HSD17B4: variants seen among roughly 807,000 people sequenced by gnomAD.
HSD17B4 encodes hydroxysteroid 17-beta dehydrogenase 4.
In HSD17B4, 70 loss-of-function variants were observed where a neutral mutation model predicts 101.0. The observed-to-expected ratio is 0.69, with a 90% CI of 0.57 to 0.85. HSD17B4 has a LOEUF of 0.85. Among genes scored for constraint, HSD17B4 ranks in the 40% least tolerant of loss-of-function variants. HSD17B4 has a pLI of 0.00. For missense variants in HSD17B4, 984 were observed against 892.4 expected (o/e 1.10, Z -1.31); for synonymous variants, 347 against 297.1 (o/e 1.17, Z -1.73).
chr5:119,513,880 A>T (rs1238618020), intron 16 of HSD17B4, among the ~76,000 whole-genome samples: 1 of 152,212 alleles, frequency 6.6e-6, no homozygotes, highest in Non-Finnish European at 1.5e-5. Flanking sequence ...TACATGGCAT[A>T]CAATGGATTT....
chr5:119,496,567 T>C lies in HSD17B4; in HGVS notation c.893T>C (p.Val298Ala), dbSNP rs752217768. 1 of 1,590,110 alleles carries C rather than the reference T, an allele frequency of 6.3e-7. No individual in the cohort carries two copies. The highest frequency in any genetic ancestry group is 8.6e-7 in the Non-Finnish European group (1 of 1,158,220). Reference sequence around the variant, plus strand: ...GAATCAACTGGCAGTATAATTGAAGTTCTGAGTAAAATAGATTCAGAAGGA... The same window carrying C: ...GAATCAACTGGCAGTATAATTGAAGCTCTGAGTAAAATAGATTCAGAAGGA... ...IQESTGSIIE[V>A]LSKIDSEGGV... Residue 298 changes from valine to alanine, a missense_variant, in exon 12 of 24, where the codon GTT becomes GCT. Coordinates refer to ENST00000510025, the MANE Select transcript of HSD17B4 (RefSeq NM_000414.4).
At chr5:119,534,152 C>T (rs1192339078) in intron 22 of HSD17B4, among the ~76,000 whole-genome samples, 1 of 151,988 alleles carries the variant, frequency 6.6e-6, no homozygotes, top group South Asian at 2.1e-4. Flanking sequence ...TTGTTTTCCT[C>T]CTGAATTTAA....
At chr5:119,509,795 A>G (rs934608636) in intron 16 of HSD17B4, among the ~76,000 whole-genome samples, 2 of 152,182 alleles carry the variant, frequency 1.3e-5, no homozygotes, top group Admixed American at 6.5e-5. Context: ...CCTCCATGGA[A>G]TGTGCTGATT....
chr5:119,468,834 A>G (rs1322866700), intron 2 of HSD17B4, among the ~76,000 whole-genome samples: 1 of 142,200 alleles, frequency 7.0e-6, no homozygotes, highest in Non-Finnish European at 1.5e-5. Flanking sequence ...TGACTGGGTT[A>G]TTTCAAAAGT....
At chr5:119,519,792 A>T (rs1387985090) in intron 17 of HSD17B4, among the ~76,000 whole-genome samples, 1 of 152,242 alleles carries the variant, frequency 6.6e-6, no homozygotes, top group African/African-American at 2.4e-5. Context: ...GAGTCCCAGC[A>T]TTTAATTTAG....
chr5:119,519,744 C>T (rs563526179), intron 17 of HSD17B4, among the ~76,000 whole-genome samples: 1 of 152,274 alleles, frequency 6.6e-6, no homozygotes, highest in African/African-American at 2.4e-5. Flanking sequence ...CATGTAAAGT[C>T]ATTAAGAAAG....
At chr5:119,494,376 T>TCTTTCTTTCTTTCTTC (rs1554064703) in intron 11 of HSD17B4, among the ~76,000 whole-genome samples, 120 of 150,744 alleles carry the variant, frequency 8.0e-4, no homozygotes, top group African/African-American at 2.8e-3. Context: ...TTTCTTTCTT[T>TCTTTCTTTCTTTCTTC]CTTTCTTTCT....
At chr5:119,505,881 A>C (rs1383033320) in intron 14 of HSD17B4, among the ~76,000 whole-genome samples, 1 of 152,186 alleles carries the variant, frequency 6.6e-6, no homozygotes, top group Non-Finnish European at 1.5e-5. Context: ...AAAGACACCA[A>C]GAGGAGTCCT....
chr5:119,514,741 C>G (rs897480761), intron 16 of HSD17B4, among the ~76,000 whole-genome samples: 5 of 152,054 alleles, frequency 3.3e-5, no homozygotes, highest in Admixed American at 3.3e-4. Flanking sequence ...GAGGATTTAT[C>G]TGATTACATA....
intron 17 of HSD17B4, among the ~76,000 whole-genome samples, chr5:119,520,408 C>A (rs1017567086): frequency 3.1e-4 from 47 of 152,164 alleles, no homozygotes; most frequent in African/African-American, 1.0e-3. Context: ...CTCAGTGAGA[C>A]CCCCATTTAG....
chr5:119,510,489 G>A (rs569396148), intron 16 of HSD17B4, among the ~76,000 whole-genome samples: 1 of 152,094 alleles, frequency 6.6e-6, no homozygotes, highest in Non-Finnish European at 1.5e-5. Flanking sequence ...ATATTCTTCT[G>A]TAGTAAATAA....
At chr5:119,526,121 A>G in intron 19 of HSD17B4, 98 bp downstream of exon 19, 2 of 766,654 alleles carry the variant, frequency 2.6e-6, no homozygotes, top group East Asian at 2.5e-5. Flanking sequence ...TAGATATTGT[A>G]CTACAGCAAT....
chr5:119,508,076 G>C (rs184164319), intron 15 of HSD17B4, among the ~76,000 whole-genome samples: 29 of 151,966 alleles, frequency 1.9e-4, no homozygotes, highest in African/African-American at 6.5e-4. Flanking sequence ...TAAATATTAT[G>C]TATGTTCTTT....
chr5:119,496,625 G>A lies in HSD17B4; in HGVS notation c.951G>A (p.Thr317=), dbSNP rs779198396. The A allele has an allele frequency of 3.0e-5, 48 of 1,597,032 alleles. No individual in the cohort carries two copies. Among genetic ancestry groups the A allele is most frequent in the Middle Eastern group, 1.7e-4 (1 of 6,056 alleles). ...GVSANHTSRA[T]STATSGFAGA... ...CAGCAAATCATACTAGTCGTGCAAC[G>A]TCTACAGCAACATCAGGATTTGTAA... The change falls in exon 12 of 24, where the codon ACG becomes ACA. Residue 317 remains threonine (T), a synonymous_variant. Transcript: ENST00000510025.
chr5:119,471,271 G>A (rs189018595), intron 2 of HSD17B4, among the ~76,000 whole-genome samples: 2 of 151,924 alleles, frequency 1.3e-5, no homozygotes, highest in African/African-American at 4.8e-5. Flanking sequence ...CATCTCTTGA[G>A]GGATAATACA....
intron 20 of HSD17B4, among the ~76,000 whole-genome samples, chr5:119,528,530 T>C (rs1219232322): frequency 6.6e-6 from 1 of 152,200 alleles, no homozygotes; most frequent in Admixed American, 6.6e-5. Flanking sequence ...TGGTGTTCTC[T>C]GAAAGCCTTT....
At chr5:119,514,755 C>G (rs762855052) in intron 16 of HSD17B4, among the ~76,000 whole-genome samples, 14 of 152,044 alleles carry the variant, frequency 9.2e-5, no homozygotes, top group Non-Finnish European at 1.8e-4. Context: ...TTACATAATT[C>G]TTTACATTTA....
At chr5:119,474,612 CA>C (rs1748399285) in intron 4 of HSD17B4, 152 bp downstream of exon 4, 1 of 673,740 alleles carries the variant, frequency 1.5e-6, no homozygotes, top group East Asian at 2.7e-5. Flanking sequence ...GTACTTATTT[CA>C]TAAAGGGTTT....
At chr5:119,520,402 G>T (rs1302768313) in intron 17 of HSD17B4, among the ~76,000 whole-genome samples, 1 of 152,022 alleles carries the variant, frequency 6.6e-6, no homozygotes, top group Non-Finnish European at 1.5e-5. Flanking sequence ...ATAGCCCTCA[G>T]TGAGACCCCC....
Sources: gnomAD v4.1 joint callset for allele counts (sites outside exome capture counted in the v4.1 genomes callset) on GRCh38, gnomAD v4.1.1 for gene constraint, MANE v1.5 for transcripts, NCBI Gene and HGNC (gene_info 2026-07-23, HGNC 2026-07-21) for gene names.